Variants in CD276 observed in about 807,000 individuals in gnomAD.
CD276 encodes the protein CD276 antigen.
A neutral mutation model predicts 50.0 loss-of-function variants in CD276; 34 were observed. The ratio of observed to expected loss-of-function variants is 0.68; its 90% CI spans 0.52 to 0.91. The LOEUF is 0.91. CD276 is among the 40% of genes least tolerant of loss of function. The pLI, the probability that CD276 is intolerant of heterozygous loss-of-function variation, is 0.00. For synonymous variants in CD276, 275 were observed against 313.0 expected, an observed-to-expected ratio of 0.88 and a Z score of 1.28; for missense variants, 634 against 717.5, an observed-to-expected ratio of 0.88 and a Z score of 1.33.
chr15:73,704,060 C>T lies in CD276; in HGVS notation c.1072+63C>T, dbSNP rs1900540239. On this transcript the variant is annotated intron_variant, in intron 5 of 9. Coordinates refer to ENST00000318443, the MANE Select transcript of CD276 (RefSeq NM_001024736.2). This position sits in a 1 kb window ranked among gnomAD's most constrained non-coding sequence, Gnocchi z 4.1. ...CCCTCCATTCCCTCTGCAGCCCACC[C>T]TCTGCTGCACCACTGCTCCCAGAAC... 5 of 1,566,458 alleles carry T rather than the reference C, an allele frequency of 3.2e-6. No homozygotes were observed. Among genetic ancestry groups the T allele is most frequent in the Non-Finnish European group, 4.3e-6 (5 of 1,156,048 alleles).
chr15:73,704,552 G>C lies in CD276; in HGVS notation c.1369+80G>C, dbSNP rs1900573072. 2 of 1,503,326 alleles carry C rather than the reference G, an allele frequency of 1.3e-6. No individual in the cohort carries two copies. The highest frequency in any genetic ancestry group is 1.8e-6 in the Non-Finnish European group (2 of 1,121,114). The allele number at this position is 1,503,326 out of a possible 1,614,324, so 93.1% of individuals were successfully genotyped here. On this transcript the variant is annotated intron_variant, in intron 6 of 9. Transcript: ENST00000318443. This position sits in a 1 kb window ranked among gnomAD's most constrained non-coding sequence, Gnocchi z 4.1. ...GGACCCTAACGTGGAATTTCCATAGGTTTGGGTGGCCAGAAGACTTTCAAA... is the reference window on the plus strand; with the variant it reads ...GGACCCTAACGTGGAATTTCCATAGCTTTGGGTGGCCAGAAGACTTTCAAA...
chr15:73,711,298 A>G (rs780550428), intron 9 of CD276, 128 bp downstream of exon 9: 7 of 980,060 alleles, frequency 7.1e-6, no homozygotes, highest in Non-Finnish European at 9.5e-6. Flanking sequence ...AGCAGCCTCA[A>G]CTTCCCCCTG....
intron 1 of CD276, among the ~76,000 whole-genome samples, chr15:73,685,318 G>A (rs1285805135): frequency 6.6e-6 from 1 of 152,118 alleles, no homozygotes; most frequent in Non-Finnish European, 1.5e-5. Context: ...TAGCGAATTG[G>A]CAGGTTTGGC....
At chr15:73,709,476 C>T (rs1347523606) in intron 7 of CD276, 172 bp from the exon 8 acceptor site, 4 of 650,216 alleles carry the variant, frequency 6.2e-6, no homozygotes, top group East Asian at 2.9e-5. Flanking sequence ...GTCACAGGCT[C>T]GGCTCTGCTG....
At chr15:73,693,240 A>C (rs564242964) in intron 1 of CD276, among the ~76,000 whole-genome samples, 2 of 152,132 alleles carry the variant, frequency 1.3e-5, no homozygotes, top group Non-Finnish European at 2.9e-5. Flanking sequence ...GATGATATTC[A>C]TTCATTCTTT....
At chr15:73,700,113 C>T (rs1900319369) in intron 2 of CD276, among the ~76,000 whole-genome samples, 1 of 152,062 alleles carries the variant, frequency 6.6e-6, no homozygotes, top group African/African-American at 2.4e-5. Context: ...TAAAATAGCA[C>T]ACCTCCGCTC....
intron 1 of CD276, among the ~76,000 whole-genome samples, chr15:73,698,243 G>A (rs757094678): frequency 1.3e-5 from 2 of 152,188 alleles, no homozygotes; most frequent in Non-Finnish European, 2.9e-5. Context: ...CAATACAGAT[G>A]TGTTAAGCTA....
chr15:73,698,167 C>G (rs1900246357), intron 1 of CD276, among the ~76,000 whole-genome samples: 1 of 152,188 alleles, frequency 6.6e-6, no homozygotes, highest in East Asian at 1.9e-4. Flanking sequence ...TTACTCAGTC[C>G]TGACTCCAGC....
intron 7 of CD276, 24 bp downstream of exon 7, chr15:73,708,497 C>T (rs375502531): frequency 1.6e-5 from 26 of 1,603,672 alleles, no homozygotes; most frequent in African/African-American, 1.6e-4. Flanking sequence ...TATGTGTGTG[C>T]GTGCGCATGC....
At chr15:73,688,809 C>T (rs759541559) in intron 1 of CD276, among the ~76,000 whole-genome samples, 15 of 152,002 alleles carry the variant, frequency 9.9e-5, no homozygotes, top group African/African-American at 1.9e-4. Context: ...GGAGAGGGGT[C>T]GGCAGAGTTG....
Position 73,684,448 on chromosome 15 carries a change from T to TCGGCG in CD276, c.-58_-55+1dup, listed in dbSNP as rs1899654455. On this transcript the variant is annotated 5_prime_UTR_variant, in exon 1 of 10. Coordinates refer to ENST00000318443, the MANE Select transcript of CD276 (RefSeq NM_001024736.2). Reference sequence around the variant, plus strand: ...TGGGCCGCGTCCCTGAGTCCCAGAGTCGGCGCGGCGCGGTGAGTGCTGGCG... The same window carrying TCGGCG: ...TGGGCCGCGTCCCTGAGTCCCAGAGTCGGCGCGGCGCGGCGCGGTGAGTGCTGGCG... 6.6e-6 allele frequency: 1 copy of TCGGCG among 151,430 alleles called. No individual in the cohort carries two copies. The highest frequency in any genetic ancestry group is 1.5e-5 in the Non-Finnish European group (1 of 68,024). The allele number at this position is 151,430 out of a possible 1,614,324, so 9.4% of individuals were successfully genotyped here.
Position 73,702,963 on chromosome 15 carries a change from G to A in CD276, c.610G>A (p.Val204Met), listed in dbSNP as rs746881685. ...QMANEQGLFD[V>M]HSILRVVLGA... ...GGCCAACGAGCAGGGCTTGTTTGAT[G>A]TGCACAGCATCCTGCGGGTGGTGCT... Residue 204 changes from valine to methionine, a missense_variant, in exon 4 of 10, where the codon GTG (valine) becomes ATG (methionine). Val to Met is a conservative substitution (Grantham distance 21, BLOSUM62 1). Coordinates refer to ENST00000318443, the MANE Select transcript of CD276 (RefSeq NM_001024736.2). The A allele has an allele frequency of 6.2e-7, 1 of 1,614,212 alleles. No homozygotes were observed. The highest frequency in any genetic ancestry group is 1.7e-5 in the Admixed American group (1 of 60,030).
chr15:73,713,953 C>A lies in CD276; in HGVS notation c.*997C>A. 2.7e-6 allele frequency: 1 copy of A among 367,478 alleles called. No individual in the cohort carries two copies. The highest frequency in any genetic ancestry group is 5.1e-6 in the Non-Finnish European group (1 of 194,542). 22.8% of individuals were successfully genotyped at this position (367,478 alleles called of 1,614,324 possible). ...ACTCCCCATCCAGCTGGGAGACAGACAACTAACTACACTGCACCCTGCGGT... is the reference window on the plus strand; with the variant it reads ...ACTCCCCATCCAGCTGGGAGACAGAAAACTAACTACACTGCACCCTGCGGT... On this transcript the variant is annotated 3_prime_UTR_variant, in exon 10 of 10. Transcript: ENST00000318443.
chr15:73,693,412 T>C (rs1900057792), intron 1 of CD276, among the ~76,000 whole-genome samples: 1 of 152,148 alleles, frequency 6.6e-6, no homozygotes, highest in Non-Finnish European at 1.5e-5. Context: ...ATGTTATATA[T>C]ATTTTACAAC....
chr15:73,699,482 G>A (rs1195367884), intron 1 of CD276, 104 bp from the exon 2 acceptor site: 1 of 1,439,920 alleles, frequency 6.9e-7, no homozygotes, highest in East Asian at 2.5e-5. Context: ...GGACCTCCCA[G>A]TGGGCAGTTG....
chr15:73,686,564 G>A (rs1025267148), intron 1 of CD276, among the ~76,000 whole-genome samples: 2 of 152,182 alleles, frequency 1.3e-5, no homozygotes, highest in Admixed American at 1.3e-4. Flanking sequence ...GAAACTTCCT[G>A]TGAGAATTCC....
intron 4 of CD276, 84 bp from the exon 5 acceptor site, chr15:73,703,575 G>A (rs2141568290): frequency 1.9e-6 from 2 of 1,080,962 alleles, no homozygotes; most frequent in Non-Finnish European, 2.6e-6. Flanking sequence ...GGGAATTGAT[G>A]GGGGAAGAGT....
In CD276 at chr15:73,687,620, T is replaced by C. The variant is rs1899823412; in HGVS notation, c.-55+3160T>C. 6.6e-6 allele frequency among the ~76,000 whole-genome samples: 1 copy of C among 152,190 alleles called. No individual in the cohort carries two copies. Among genetic ancestry groups the C allele is most frequent in the Non-Finnish European group, 1.5e-5 (1 of 68,030 alleles). ...TGAGAGTTCTTCTCTTCCAGAGCCC[T>C]GGACTTTATCATGCTGGGGCTTCCA... is the stretch of plus-strand genomic sequence containing the variant. On this transcript the variant is annotated intron_variant, in intron 1 of 9. Coordinates refer to ENST00000318443, the MANE Select transcript of CD276 (RefSeq NM_001024736.2). The surrounding 1 kb of genome is among the most constrained non-coding windows in gnomAD (Gnocchi z 4.0).
intron 7 of CD276, 78 bp downstream of exon 7, chr15:73,708,551 A>T: frequency 6.7e-7 from 1 of 1,491,730 alleles, no homozygotes; most frequent in Non-Finnish European, 9.1e-7. Context: ...TGATGTCAAT[A>T]GAGTGTCACT....
Sources: gnomAD v4.1 joint callset for allele counts (sites outside exome capture counted in the v4.1 genomes callset) on GRCh38, gnomAD v4.1.1 for gene constraint, Gnocchi (gnomAD v3.1) non-coding constraint, MANE v1.5 for transcripts, NCBI Gene and HGNC (gene_info 2026-07-23, HGNC 2026-07-21) for gene names.